SLC16A3: variants seen among roughly 807,000 people sequenced by gnomAD.
SLC16A3 encodes monocarboxylate transporter 4.
Under a neutral mutation model 25.0 loss-of-function variants are expected in SLC16A3, and 22 were observed. The observed-to-expected ratio is 0.88, with a 90% CI of 0.63 to 1.26. The LOEUF (loss-of-function observed/expected upper bound fraction) is 1.26, where lower values mean the gene tolerates loss of function less well. SLC16A3 is among the 50% of genes most tolerant of loss of function. SLC16A3 has a pLI of 0.00. For missense variants in SLC16A3, 731 were observed against 666.6 expected, an observed-to-expected ratio of 1.10 and a Z score of -1.06; for synonymous variants, 390 against 309.2, an observed-to-expected ratio of 1.26 and a Z score of -2.74.
At chr17:82,232,918 C>CA (rs530479437) in intron 1 of SLC16A3, among the ~76,000 whole-genome samples, 1 of 47,210 alleles carries the variant, frequency 2.1e-5, no homozygotes, top group South Asian at 6.6e-4. Context: ...TGGGGGGCGG[C>CA]GGGGGGGGGG....
At chr17:82,222,992 AG>A (rs146950116) in intron 1 of SLC16A3, among the ~76,000 whole-genome samples, 4 of 151,928 alleles carry the variant, frequency 2.6e-5, no homozygotes, top group South Asian at 2.1e-4. Context: ...ATACCGGGGA[AG>A]GGGGGGTGCT....
chr17:82,220,033 G>A (rs1396167101), intron 1 of SLC16A3, among the ~76,000 whole-genome samples: 1 of 152,146 alleles, frequency 6.6e-6, no homozygotes, highest in Non-Finnish European at 1.5e-5. Flanking sequence ...AGCAGGTTGG[G>A]GGGGCTCTCA....
chr17:82,238,989 G>C lies in SLC16A3; in HGVS notation c.*13G>C. ...AACAAGTGTCTGAGTGGCTGGGCGGGGCCGGCAGGCACAGGGAGGAGGTAC... is the reference window on the plus strand; with the variant it reads ...AACAAGTGTCTGAGTGGCTGGGCGGCGCCGGCAGGCACAGGGAGGAGGTAC... On this transcript the variant is annotated 3_prime_UTR_variant, in exon 5 of 5. Coordinates refer to ENST00000582743, the MANE Select transcript of SLC16A3 (RefSeq NM_004207.4). 6.6e-7 allele frequency: 1 copy of C among 1,508,688 alleles called. No individual in the cohort carries two copies. Among genetic ancestry groups the C allele is most frequent in the Middle Eastern group, 1.8e-4 (1 of 5,512 alleles). The allele number at this position is 1,508,688 out of a possible 1,614,324, so 93.5% of individuals were successfully genotyped here.
rs1568539938 is a variant in SLC16A3 at position 82,237,336 on chromosome 17, A to ACTG, written c.571_573dup (p.Cys191dup). The ACTG allele has an allele frequency of 1.7e-5, 26 of 1,541,402 alleles. No homozygotes were observed. Among genetic ancestry groups the ACTG allele is most frequent in the Non-Finnish European group, 2.3e-5 (26 of 1,142,380 alleles). On this transcript the variant is annotated inframe_insertion, in exon 4 of 5. Coordinates refer to ENST00000582743, the MANE Select transcript of SLC16A3 (RefSeq NM_004207.4). ...CTCATCCTGGGCGGCCTGCTGCTCA[A>ACTG]CTGCTGCGTGTGTGCCGCACTCATG...
chr17:82,220,620 T>C (rs2050383413), intron 1 of SLC16A3, among the ~76,000 whole-genome samples: 2 of 152,078 alleles, frequency 1.3e-5, no homozygotes, highest in African/African-American at 4.8e-5. Context: ...AAAAAAAATT[T>C]TTTTTAAGTA....
rs747042974 is a variant in SLC16A3 at position 82,236,740 on chromosome 17, AGT to A, written c.241_242del (p.Cys81ArgfsTer75). ...GCTGCCCTCTCCAGGTCCGCTCTGC[AGT>A]GTGTGCGTGAACCGCTTTGGCTGCC... is the stretch of plus-strand genomic sequence containing the variant. ...AMLYGTGPLC[S>X]VCVNRFGCRP... On this transcript the variant is annotated frameshift_variant, in exon 3 of 5. Coordinates refer to ENST00000582743, the MANE Select transcript of SLC16A3 (RefSeq NM_004207.4). LOFTEE classifies it high-confidence loss of function. 3 of 1,606,898 alleles carry A rather than the reference AGT, an allele frequency of 1.9e-6. No individual in the cohort carries two copies. The highest frequency in any genetic ancestry group is 1.1e-5 in the South Asian group (1 of 91,062).
chr17:82,233,425 C>G (rs2050532634), intron 1 of SLC16A3, among the ~76,000 whole-genome samples: 1 of 152,170 alleles, frequency 6.6e-6, no homozygotes, highest in African/African-American at 2.4e-5. Flanking sequence ...TGGCACTGCC[C>G]CAACCCTCTG....
At chr17:82,227,683 AGCAGCACGGG>A (rs1272415024), upstream of SLC16A3, among the ~76,000 whole-genome samples, 24 of 10,558 alleles carry the variant, frequency 2.3e-3, no homozygotes, top group African/African-American at 0.025. Context: ...CCTGGGCGGG[AGCAGCACGGG>A]CCAACTAAGT....
rs1174713645 is a variant in SLC16A3 at position 82,238,986 on chromosome 17, C to T, written c.*10C>T. On this transcript the variant is annotated 3_prime_UTR_variant, in exon 5 of 5. Coordinates refer to ENST00000582743, the MANE Select transcript of SLC16A3 (RefSeq NM_004207.4). The stretch of plus-strand genomic sequence containing the variant: ...GGAAACAAGTGTCTGAGTGGCTGGG[C>T]GGGGCCGGCAGGCACAGGGAGGAGG... The T allele has an allele frequency of 7.3e-6, 11 of 1,506,234 alleles. No individual in the cohort carries two copies. The highest frequency in any genetic ancestry group is 4.7e-5 in the East Asian group (2 of 42,352). 93.3% of individuals were successfully genotyped at this position (1,506,234 alleles called of 1,614,324 possible).
At chr17:82,223,318 G>T (rs548646971) in intron 1 of SLC16A3, among the ~76,000 whole-genome samples, 1 of 152,106 alleles carries the variant, frequency 6.6e-6, no homozygotes, top group African/African-American at 2.4e-5. Flanking sequence ...AAGTAGTTGG[G>T]ATTACCGGCA....
upstream of SLC16A3, among the ~76,000 whole-genome samples, chr17:82,223,657 T>C (rs149323332): frequency 6.6e-6 from 1 of 152,110 alleles, no homozygotes; most frequent in African/African-American, 2.4e-5. Context: ...GGATTATGGG[T>C]GCATGCCACC....
rs2050684268 is a variant in SLC16A3, at chr17:82,238,704, A to C, written c.1126A>C (p.Lys376Gln). 3 of 1,606,262 alleles carry C rather than the reference A, an allele frequency of 1.9e-6. No individual in the cohort carries two copies. Among genetic ancestry groups the C allele is most frequent in the Non-Finnish European group, 2.6e-6 (3 of 1,176,254 alleles). ...GGACTGACGGGGTCTTCCCGCAGGC[A>C]AACTCCTGGATGCGACCCACGTCTA... ...AVLVGPPSGG[K>Q]LLDATHVYMY... The change falls in exon 5 of 5, where the codon AAA becomes CAA. Residue 376 changes from lysine to glutamine, a missense_variant and splice_region_variant. Physicochemically the swap from Lys to Gln is moderately conservative, Grantham distance 53. Transcript: ENST00000582743.
intron 1 of SLC16A3, among the ~76,000 whole-genome samples, chr17:82,218,853 C>T (rs1380060242): frequency 2.0e-5 from 3 of 152,140 alleles, no homozygotes; most frequent in East Asian, 3.9e-4. Context: ...TCCATCCAGG[C>T]GCTGGGGTGG....
Position 82,236,868 on chromosome 17 carries a change from C to A in SLC16A3, c.363C>A (p.Ile121=), listed in dbSNP as rs758395782. The change falls in exon 3 of 5, where the codon ATC becomes ATA. Residue 121 remains isoleucine, a synonymous_variant. Coordinates refer to ENST00000582743, the MANE Select transcript of SLC16A3 (RefSeq NM_004207.4). ...AGGTCTACCTCACCACTGGGGTCAT[C>A]ACGGGTGAGTGGGGCCGGCCGGTGG... ...IIQVYLTTGV[I]TGLGLALNFQ... is the part of the protein sequence containing the mutation. 5.0e-6 allele frequency: 8 copies of A among 1,605,590 alleles called. No homozygotes were observed. Among genetic ancestry groups the A allele is most frequent in the Non-Finnish European group, 6.8e-6 (8 of 1,179,700 alleles).
intron 1 of SLC16A3, among the ~76,000 whole-genome samples, chr17:82,219,482 C>T (rs1343942480): frequency 6.6e-6 from 1 of 152,114 alleles, no homozygotes; most frequent in Non-Finnish European, 1.5e-5. Flanking sequence ...GAGCCAGTGG[C>T]CGCCCGTAGG....
At chr17:82,235,498 C>G (rs2050581605) in intron 1 of SLC16A3, 1 of 162,518 alleles carries the variant, frequency 6.2e-6, no homozygotes, top group Non-Finnish European at 1.4e-5. Context: ...GCAAGGCACG[C>G]TCCACCTAGA....
chr17:82,235,708 T>C (rs1259459422), intron 1 of SLC16A3: 6 of 492,022 alleles, frequency 1.2e-5, no homozygotes, highest in Non-Finnish European at 1.5e-5. Flanking sequence ...CAGGAGGTAA[T>C]CTGAGTCCTG....
chr17:82,227,777 C>T (rs894182090), upstream of SLC16A3, among the ~76,000 whole-genome samples: 5 of 152,152 alleles, frequency 3.3e-5, no homozygotes, highest in African/African-American at 7.2e-5. Flanking sequence ...CAGGCACGTG[C>T]CCTCATCTTG....
chr17:82,236,882 G>A lies in SLC16A3; in HGVS notation c.367+10G>A. On this transcript the variant is annotated intron_variant, in intron 3 of 4. Coordinates refer to ENST00000582743, the MANE Select transcript of SLC16A3 (RefSeq NM_004207.4). ...ACTGGGGTCATCACGGGTGAGTGGG[G>A]CCGGCCGGTGGGCCGCACGTGCCAG... The A allele has an allele frequency of 6.2e-7, 1 of 1,603,498 alleles. No individual in the cohort carries two copies. The highest frequency in any genetic ancestry group is 8.5e-7 in the Non-Finnish European group (1 of 1,179,322).
Sources: allele counts gnomAD v4.1 joint callset (sites outside exome capture counted in the v4.1 genomes callset), GRCh38; gene constraint gnomAD v4.1.1; transcripts MANE v1.5; gene names NCBI Gene and HGNC (gene_info 2026-07-23, HGNC 2026-07-21).